The following PDE4D variants were observed in gnomAD, a reference collection of about 807,000 sequenced individuals.
The protein encoded by PDE4D is 3',5'-cyclic-AMP phosphodiesterase 4D.
Under a neutral mutation model 87.4 loss-of-function variants are expected in PDE4D, and 24 were observed. The ratio of observed to expected loss-of-function variants is 0.27; its 90% CI spans 0.20 to 0.39. The LOEUF is 0.39. PDE4D is among the 10% of genes least tolerant of loss of function. The pLI, the probability that PDE4D is intolerant of heterozygous loss-of-function variation, is 1.00. For synonymous variants in PDE4D, 384 were observed against 383.2 expected (o/e 1.00, Z -0.02); for missense variants, 714 against 1,041.0 (o/e 0.69, Z 4.32).
chr5:60,432,274 G>C (rs1171412541), intron 1 of PDE4D, among the ~76,000 whole-genome samples: 5 of 152,190 alleles, frequency 3.3e-5, no homozygotes, highest in Admixed American at 2.6e-4. Context: ...CTCATAGAAT[G>C]AGTTAGGGAA....
At chr5:59,740,288 T>C (rs904696369) in intron 1 of PDE4D, among the ~76,000 whole-genome samples, 34 of 152,186 alleles carry the variant, frequency 2.2e-4, no homozygotes, top group African/African-American at 6.5e-4. Flanking sequence ...ATGTTCAAAA[T>C]ATTTTTGATA....
chr5:59,096,877 T>C (rs1380050354), intron 5 of PDE4D, among the ~76,000 whole-genome samples: 1 of 152,078 alleles, frequency 6.6e-6, no homozygotes, highest in Non-Finnish European at 1.5e-5. Flanking sequence ...ATACTATACA[T>C]AGAAGAGATA....
intron 1 of PDE4D, among the ~76,000 whole-genome samples, chr5:59,251,280 C>A (rs1759891708): frequency 6.6e-6 from 1 of 152,122 alleles, no homozygotes; most frequent in Non-Finnish European, 1.5e-5. Flanking sequence ...AACTATATAT[C>A]TGGCAAAGGT....
intron 1 of PDE4D, among the ~76,000 whole-genome samples, chr5:59,407,520 T>A (rs1403432653): frequency 6.6e-6 from 1 of 152,168 alleles, no homozygotes; most frequent in African/African-American, 2.4e-5. Context: ...ACATTGGAAC[T>A]GGGTAAGAGA....
Position 60,125,149 on chromosome 5 carries a change from CA to C in PDE4D, c.42+60407del, listed in dbSNP as rs1205938277. Among the ~76,000 whole-genome samples the C allele has an allele frequency of 7.9e-5, 12 of 152,216 alleles. No homozygotes were observed. In the East Asian group the frequency reaches 2.3e-3, roughly 29 times the overall value. On this transcript the variant is annotated intron_variant, in intron 2 of 16. Transcript: ENST00000502484. ...AAAACCAACCTGAACTCAAGACTACCATAACCAACTGCCTATCTTTCCACTG... is the reference window on the plus strand; with the variant it reads ...AAAACCAACCTGAACTCAAGACTACCTAACCAACTGCCTATCTTTCCACTG...
intron 5 of PDE4D, among the ~76,000 whole-genome samples, chr5:59,046,312 ATG>A (rs1163796478): frequency 1.3e-5 from 2 of 151,348 alleles, no homozygotes; most frequent in Non-Finnish European, 2.9e-5. Context: ...GAGCGAGAGA[ATG>A]TGTGTTTGTG....
At chr5:59,456,199 T>C (rs1209225177) in intron 1 of PDE4D, among the ~76,000 whole-genome samples, 1 of 152,198 alleles carries the variant, frequency 6.6e-6, no homozygotes, top group African/African-American at 2.4e-5. Context: ...CATCCAAATC[T>C]CATCCTGAAT....
At chr5:59,573,572 C>T (rs1822247816) in intron 1 of PDE4D, among the ~76,000 whole-genome samples, 1 of 152,156 alleles carries the variant, frequency 6.6e-6, no homozygotes, top group South Asian at 2.1e-4. Context: ...TCATCTCCAT[C>T]ATTCTCATTG....
intron 1 of PDE4D, among the ~76,000 whole-genome samples, chr5:59,836,734 G>A (rs1742169251): frequency 6.6e-6 from 1 of 151,744 alleles, no homozygotes. Context: ...TAGATATCTA[G>A]AGATAGAGCA....
At chr5:59,789,488 G>C (rs1378176376) in intron 1 of PDE4D, among the ~76,000 whole-genome samples, 1 of 152,218 alleles carries the variant, frequency 6.6e-6, no homozygotes, top group Non-Finnish European at 1.5e-5. Context: ...TAAGATTCAA[G>C]ATCCTCAGAT....
At position 60,426,244 on chromosome 5, in the gene PDE4D, G is replaced by A. The variant is rs191029505; in HGVS notation, c.-90+61698C>T. 9.7e-4 allele frequency among the ~76,000 whole-genome samples: 147 copies of A among 152,188 alleles called. 1 individual carries two copies. Among genetic ancestry groups the A allele is most frequent in the Middle Eastern group, 3.4e-3 (1 of 294 alleles). ...AGACATGCACACGTATGTCTATTGCGGCACTATTCACAATAGCAAAGACTT... is the reference window on the plus strand; with the variant it reads ...AGACATGCACACGTATGTCTATTGCAGCACTATTCACAATAGCAAAGACTT... On this transcript the variant is annotated intron_variant, in intron 1 of 16. Transcript: ENST00000502484.
chr5:59,429,116 T>A (rs1042533107), intron 1 of PDE4D, among the ~76,000 whole-genome samples: 3 of 152,016 alleles, frequency 2.0e-5, no homozygotes, highest in African/African-American at 7.3e-5. Flanking sequence ...AGCAGAAAAA[T>A]TAAGGTAATA....
intron 3 of PDE4D, among the ~76,000 whole-genome samples, chr5:59,927,316 TC>T (rs1414616224): frequency 6.6e-6 from 1 of 152,190 alleles, no homozygotes; most frequent in Non-Finnish European, 1.5e-5. Context: ...CCTTTAATTT[TC>T]CTCCTCTCTC....
intron 5 of PDE4D, among the ~76,000 whole-genome samples, chr5:59,096,818 T>A (rs1769814936): frequency 6.6e-6 from 1 of 152,204 alleles, no homozygotes; most frequent in Non-Finnish European, 1.5e-5. Flanking sequence ...ATCTATGGTC[T>A]ACCTAAACCT....
chr5:60,114,142 T>C (rs1301070152), intron 2 of PDE4D, among the ~76,000 whole-genome samples: 1 of 152,158 alleles, frequency 6.6e-6, no homozygotes, highest in Non-Finnish European at 1.5e-5. Context: ...CACATTTTCA[T>C]AGTAACTAGT....
intron 5 of PDE4D, among the ~76,000 whole-genome samples, chr5:59,090,807 C>CTTT (rs61610340): frequency 1.9e-5 from 2 of 106,020 alleles, no homozygotes; most frequent in Non-Finnish European, 3.8e-5. Flanking sequence ...TTTTCTTTTT[C>CTTT]TTTTTTTTTT....
At chr5:59,834,877 C>T (rs1741771538) in intron 1 of PDE4D, among the ~76,000 whole-genome samples, 1 of 151,964 alleles carries the variant, frequency 6.6e-6, no homozygotes, top group Admixed American at 6.6e-5. Context: ...GTCTGTGTCC[C>T]CAGATTTTTT....
At chr5:59,142,975 A>C (rs185484293) in intron 5 of PDE4D, among the ~76,000 whole-genome samples, 1 of 152,204 alleles carries the variant, frequency 6.6e-6, no homozygotes, top group Non-Finnish European at 1.5e-5. Flanking sequence ...ACTGAAAAAT[A>C]TGTTCTAAAA....
At chr5:59,530,204 T>C (rs1813947030) in intron 1 of PDE4D, among the ~76,000 whole-genome samples, 1 of 152,196 alleles carries the variant, frequency 6.6e-6, no homozygotes. Context: ...ATATTAACAC[T>C]TCTATTGACA....
Sources: allele counts gnomAD v4.1 joint callset (sites outside exome capture counted in the v4.1 genomes callset), GRCh38; gene constraint gnomAD v4.1.1; transcripts MANE v1.5; gene names NCBI Gene and HGNC (gene_info 2026-07-23, HGNC 2026-07-21).